Variants in RSRC1 observed in about 807,000 individuals in gnomAD.
RSRC1 encodes the protein arginine and serine rich coiled-coil 1, also known as serine/Arginine-related protein 53.
A neutral mutation model predicts 49.1 loss-of-function variants in RSRC1; 39 were observed. The ratio of observed to expected loss-of-function variants is 0.79; its 90% CI spans 0.61 to 1.04. The LOEUF (loss-of-function observed/expected upper bound fraction) is 1.04. Ranked by LOEUF, RSRC1 falls within the 50% of genes least tolerant of loss-of-function variation. RSRC1 has a pLI of 0.00. For missense variants in RSRC1, 388 were observed against 402.4 expected (o/e 0.96, Z 0.31); for synonymous variants, 143 against 130.8 (o/e 1.09, Z -0.63).
intron 7 of RSRC1, among the ~76,000 whole-genome samples, chr3:158,516,264 G>C (rs560302365): frequency 6.6e-6 from 1 of 151,984 alleles, no homozygotes; most frequent in East Asian, 1.9e-4. Context: ...GTGATGTACA[G>C]ATGGGTTTTT....
chr3:158,384,930 T>C (rs1732889266), intron 6 of RSRC1, among the ~76,000 whole-genome samples: 1 of 152,048 alleles, frequency 6.6e-6, no homozygotes, highest in African/African-American at 2.4e-5. Context: ...ATTCTAAGCA[T>C]AGAACCTGAT....
chr3:158,165,583 C>T (rs1718487373), intron 3 of RSRC1, among the ~76,000 whole-genome samples: 1 of 152,220 alleles, frequency 6.6e-6, no homozygotes, highest in Non-Finnish European at 1.5e-5. Flanking sequence ...TGGGCTTCAG[C>T]TTAAATGCAT....
intron 6 of RSRC1, among the ~76,000 whole-genome samples, chr3:158,423,804 T>C (rs1344874700): frequency 1.3e-5 from 2 of 151,968 alleles, no homozygotes; most frequent in African/African-American, 2.4e-5. Flanking sequence ...CCCTTGTAAG[T>C]TGGATTCCTA....
chr3:158,237,736 T>A (rs777689056), intron 4 of RSRC1, among the ~76,000 whole-genome samples: 2 of 152,198 alleles, frequency 1.3e-5, no homozygotes, highest in Non-Finnish European at 2.9e-5. Context: ...AAATATACAG[T>A]CATGTCATCT....
chr3:158,232,949 C>T (rs188528391), intron 4 of RSRC1, among the ~76,000 whole-genome samples: 5 of 152,204 alleles, frequency 3.3e-5, no homozygotes, highest in Admixed American at 2.6e-4. Context: ...CTTTGAGCTT[C>T]GTCCTCAGTG....
At chr3:158,456,118 A>G (rs1404703480) in intron 6 of RSRC1, among the ~76,000 whole-genome samples, 1 of 151,854 alleles carries the variant, frequency 6.6e-6, no homozygotes, top group Non-Finnish European at 1.5e-5. Flanking sequence ...GACATAACAA[A>G]CAACCCCAAA....
intron 6 of RSRC1, among the ~76,000 whole-genome samples, chr3:158,402,229 C>T (rs1409763542): frequency 6.6e-6 from 1 of 151,842 alleles, no homozygotes; most frequent in Non-Finnish European, 1.5e-5. Flanking sequence ...CTTCTGTAGT[C>T]AGAAAATATC....
At chr3:158,298,456 G>A (rs1200398501) in intron 5 of RSRC1, among the ~76,000 whole-genome samples, 4 of 152,010 alleles carry the variant, frequency 2.6e-5, no homozygotes, top group African/African-American at 9.7e-5. Context: ...GTATGTTTTA[G>A]CAATTTAGCA....
At chr3:158,257,633 ATT>A (rs1442531019) in intron 4 of RSRC1, among the ~76,000 whole-genome samples, 2 of 152,200 alleles carry the variant, frequency 1.3e-5, no homozygotes, top group Non-Finnish European at 1.5e-5. Context: ...GTTAATTTAC[ATT>A]CAGGGTTTTT....
chr3:158,537,193 A>T lies in RSRC1; in HGVS notation c.754A>T (p.Lys252Ter). The T allele has an allele frequency of 6.4e-7, 1 of 1,573,300 alleles. No individual in the cohort carries two copies. The highest frequency in any genetic ancestry group is 8.6e-7 in the Non-Finnish European group (1 of 1,161,574). ...GACATTCAGATCAAGTAAAGAAGTC[A>T]AAAAGGTAAGTTTTTATCCACCCAT... ...QQTFRSSKEV[K>*]KSVEPSEVKQ... The change falls in exon 8 of 10, where the codon AAA becomes TAA. Residue 252 changes from lysine to a stop codon, truncating the protein, a stop_gained. Coordinates refer to ENST00000611884, the MANE Select transcript of RSRC1 (RefSeq NM_001271838.2). LOFTEE classifies it high-confidence loss of function.
At chr3:158,364,622 C>A (rs1731654980) in intron 6 of RSRC1, among the ~76,000 whole-genome samples, 1 of 151,860 alleles carries the variant, frequency 6.6e-6, no homozygotes, top group African/African-American at 2.4e-5. Flanking sequence ...TTATAAAACA[C>A]TTAGAGCAGT....
At chr3:158,329,462 A>G (rs1054968697) in intron 5 of RSRC1, among the ~76,000 whole-genome samples, 3 of 151,998 alleles carry the variant, frequency 2.0e-5, no homozygotes, top group African/African-American at 7.3e-5. Flanking sequence ...AACAGTCAGG[A>G]CCCTCAGCTG....
At chr3:158,276,383 C>T (rs1233215814) in intron 4 of RSRC1, 5 of 780,450 alleles carry the variant, frequency 6.4e-6, no homozygotes, top group South Asian at 5.4e-5. Context: ...CATCAGGCTG[C>T]TTTCTCCATA....
intron 5 of RSRC1, among the ~76,000 whole-genome samples, chr3:158,323,930 T>C (rs1317524195): frequency 1.5e-5 from 2 of 134,986 alleles, no homozygotes; most frequent in African/African-American, 5.4e-5. Context: ...ATCCGTACTA[T>C]AGTACACATT....
At chr3:158,398,842 A>G (rs948096682) in intron 6 of RSRC1, among the ~76,000 whole-genome samples, 7 of 152,158 alleles carry the variant, frequency 4.6e-5, no homozygotes, top group African/African-American at 1.7e-4. Flanking sequence ...GCAAGTATTC[A>G]GTACATTTGT....
intron 7 of RSRC1, among the ~76,000 whole-genome samples, chr3:158,479,849 G>C (rs1026480519): frequency 4.0e-5 from 6 of 151,858 alleles, no homozygotes; most frequent in African/African-American, 1.5e-4. Flanking sequence ...CAGATTTTGA[G>C]GCAATAGATA....
intron 6 of RSRC1, among the ~76,000 whole-genome samples, chr3:158,420,183 A>G (rs1325064218): frequency 6.6e-6 from 1 of 152,008 alleles, no homozygotes; most frequent in Non-Finnish European, 1.5e-5. Flanking sequence ...AACAAATGTT[A>G]TCTCCCATTT....
chr3:158,217,135 T>C (rs1223697378), intron 4 of RSRC1, among the ~76,000 whole-genome samples: 1 of 151,550 alleles, frequency 6.6e-6, no homozygotes, highest in Non-Finnish European at 1.5e-5. Flanking sequence ...AAAGATGTGA[T>C]CAAAGTTGTA....
chr3:158,265,480 A>G (rs1017233225), intron 4 of RSRC1, among the ~76,000 whole-genome samples: 16 of 151,990 alleles, frequency 1.1e-4, no homozygotes, highest in African/African-American at 3.9e-4. Flanking sequence ...AAAATACAAA[A>G]ATTAGCCGGG....
Sources: gnomAD v4.1 joint callset for allele counts (sites outside exome capture counted in the v4.1 genomes callset) on GRCh38, gnomAD v4.1.1 for gene constraint, MANE v1.5 for transcripts, NCBI Gene and HGNC (gene_info 2026-07-23, HGNC 2026-07-21) for gene names.